IPO11: variants seen among roughly 807,000 people sequenced by gnomAD.
IPO11 encodes importin-11.
IPO11 carries 66 observed loss-of-function variants against 143.2 expected under a neutral mutation model. The ratio of observed to expected loss-of-function variants is 0.46; its 90% confidence interval spans 0.38 to 0.57. The LOEUF (loss-of-function observed/expected upper bound fraction) is 0.57. IPO11 is among the 20% of genes least tolerant of loss of function. The probability of loss-of-function intolerance (pLI) is 0.00; values close to 1 mark genes in which losing one functional copy is unlikely to be tolerated. For missense variants in IPO11, 1,026 were observed against 1,141.0 expected (o/e 0.90, Z 1.45); for synonymous variants, 385 against 377.8 (o/e 1.02, Z -0.22).
At chr5:62,435,371 T>C (rs1035474998) in intron 1 of IPO11, among the ~76,000 whole-genome samples, 1 of 148,026 alleles carries the variant, frequency 6.8e-6, no homozygotes, top group Non-Finnish European at 1.5e-5. Flanking sequence ...GAGGGATTGC[T>C]TGAGCCTAGA....
At chr5:62,505,509 T>C (rs1381144236) in intron 18 of IPO11, among the ~76,000 whole-genome samples, 1 of 152,052 alleles carries the variant, frequency 6.6e-6, no homozygotes, top group Admixed American at 6.6e-5. Flanking sequence ...TAGGGAAGCT[T>C]GTAAAGCAGT....
intron 29 of IPO11, among the ~76,000 whole-genome samples, chr5:62,614,216 G>A (rs909052693): frequency 3.9e-5 from 6 of 152,194 alleles, no homozygotes; most frequent in Non-Finnish European, 8.8e-5. Flanking sequence ...CTTAACAAGA[G>A]TTGATTTCAT....
intron 27 of IPO11, among the ~76,000 whole-genome samples, chr5:62,562,900 G>A (rs1743819380): frequency 6.6e-6 from 1 of 152,136 alleles, no homozygotes; most frequent in African/African-American, 2.4e-5. Flanking sequence ...TCTTAAAACA[G>A]CCCGATGAGG....
intron 27 of IPO11, chr5:62,581,274 A>G: frequency 1.3e-6 from 2 of 1,534,504 alleles, no homozygotes; most frequent in East Asian, 2.4e-5. Flanking sequence ...AAAATGAGGC[A>G]CAGGTCATTC....
intron 1 of IPO11, among the ~76,000 whole-genome samples, chr5:62,424,265 G>A (rs1176676201): frequency 6.6e-6 from 1 of 151,634 alleles, no homozygotes; most frequent in Non-Finnish European, 1.5e-5. Flanking sequence ...TCAGCCTCCC[G>A]AGTAGCTGGG....
At chr5:62,485,984 C>CTTTTTT (rs746289007) in intron 12 of IPO11, among the ~76,000 whole-genome samples, 6 of 130,252 alleles carry the variant, frequency 4.6e-5, no homozygotes, top group East Asian at 4.5e-4. Flanking sequence ...TTTTCTTTTT[C>CTTTTTT]TTTTTTTTTT....
At chr5:62,418,987 C>A in intron 1 of IPO11, 3 of 1,544,680 alleles carry the variant, frequency 1.9e-6, no homozygotes, top group South Asian at 2.4e-5. Context: ...TTTTGTTGTT[C>A]TATGAACATC....
At chr5:62,626,942 AG>A (rs1381737804) in intron 29 of IPO11, among the ~76,000 whole-genome samples, 1 of 152,174 alleles carries the variant, frequency 6.6e-6, no homozygotes, top group Non-Finnish European at 1.5e-5. Context: ...AAACATGTTC[AG>A]GGGGCGCTAG....
chr5:62,490,325 C>A, intron 15 of IPO11, 105 bp downstream of exon 15: 1 of 634,152 alleles, frequency 1.6e-6, no homozygotes, highest in Non-Finnish European at 2.5e-6. Context: ...AAAATGCAAT[C>A]GTATAAGTTA....
At chr5:62,618,827 CT>C (rs765805739) in intron 29 of IPO11, among the ~76,000 whole-genome samples, 2 of 152,154 alleles carry the variant, frequency 1.3e-5, no homozygotes, top group Non-Finnish European at 2.9e-5. Flanking sequence ...AAATTGCCTC[CT>C]TCCCCCCAAA....
intron 5 of IPO11, among the ~76,000 whole-genome samples, chr5:62,466,150 T>G (rs1443493824): frequency 6.6e-6 from 1 of 152,222 alleles, no homozygotes; most frequent in Non-Finnish European, 1.5e-5. Context: ...TCTGGGAGGA[T>G]CACAGGATGT....
intron 21 of IPO11, among the ~76,000 whole-genome samples, chr5:62,529,749 TAG>T (rs1436552120): frequency 1.3e-5 from 2 of 152,188 alleles, no homozygotes; most frequent in Non-Finnish European, 2.9e-5. Flanking sequence ...TAGCCAGTAT[TAG>T]ATTTTGAATA....
rs141670309 is a variant in IPO11, at chr5:62,561,588, C to A, written c.2582+331C>A. 3.9e-5 allele frequency among the ~76,000 whole-genome samples: 6 copies of A among 152,232 alleles called. No homozygotes were observed. The East Asian group carries it at 1.2e-3, about 29-fold the overall frequency. On this transcript the variant is annotated intron_variant, in intron 27 of 29. Coordinates refer to ENST00000325324, the MANE Select transcript of IPO11 (RefSeq NM_016338.5). ...CTGTTTACATAGATATATTAAATATCTAACATTTCAAAGTCAATAGCACTT... is the reference window on the plus strand; with the variant it reads ...CTGTTTACATAGATATATTAAATATATAACATTTCAAAGTCAATAGCACTT...
chr5:62,485,518 C>G, intron 12 of IPO11, 56 bp downstream of exon 12: 1 of 1,320,142 alleles, frequency 7.6e-7, no homozygotes, highest in Non-Finnish European at 1.1e-6. Flanking sequence ...TTCTAAAGCT[C>G]TTAGTAGAGA....
intron 13 of IPO11, among the ~76,000 whole-genome samples, chr5:62,488,573 A>T (rs140393717): frequency 6.6e-6 from 1 of 152,340 alleles, no homozygotes; most frequent in East Asian, 1.9e-4. Flanking sequence ...GAGTGCATGT[A>T]TGTAAGGAGC....
intron 1 of IPO11, among the ~76,000 whole-genome samples, chr5:62,418,570 C>T (rs888090362): frequency 1.3e-5 from 2 of 152,124 alleles, no homozygotes; most frequent in African/African-American, 4.8e-5. Flanking sequence ...TTAAGGATAT[C>T]GGGAACATAG....
rs559959889 is a variant in IPO11 at position 62,430,453 on chromosome 5, T to A, written c.-6-6821T>A. Among the ~76,000 whole-genome samples the A allele has an allele frequency of 9.2e-5, 14 of 152,220 alleles. No homozygotes were observed. In the East Asian group the frequency reaches 2.7e-3, roughly 29 times the overall value. ...CTCTCACCTCAGCCTCCCAAGTAGCTGGGACCACAGGCGTGTGCCATCACA... is the reference window on the plus strand; with the variant it reads ...CTCTCACCTCAGCCTCCCAAGTAGCAGGGACCACAGGCGTGTGCCATCACA... On this transcript the variant is annotated intron_variant, in intron 1 of 29. Transcript: ENST00000325324.
intron 27 of IPO11, among the ~76,000 whole-genome samples, chr5:62,565,159 A>C (rs898064775): frequency 6.6e-6 from 1 of 152,206 alleles, no homozygotes; most frequent in Non-Finnish European, 1.5e-5. Flanking sequence ...ATACATAGTA[A>C]GTTTTGTATT....
At chr5:62,526,045 T>A (rs1343012060) in intron 20 of IPO11, 97 bp from the exon 21 acceptor site, 30 of 714,586 alleles carry the variant, frequency 4.2e-5, no homozygotes, top group East Asian at 1.9e-4. Flanking sequence ...TTCATTTTTT[T>A]AATTGGTTTT....
Sources: gnomAD v4.1 joint callset for allele counts (sites outside exome capture counted in the v4.1 genomes callset) on GRCh38, gnomAD v4.1.1 for gene constraint, MANE v1.5 for transcripts, NCBI Gene and HGNC (gene_info 2026-07-23, HGNC 2026-07-21) for gene names.